LDB2: variants seen among roughly 807,000 people sequenced by gnomAD.
LDB2 encodes LIM domain binding 2.
LDB2 carries 12 observed loss-of-function variants against 44.3 expected under a neutral mutation model. That is an observed-to-expected ratio of 0.27 (90% CI 0.17 to 0.44). LDB2 has a LOEUF of 0.44. Ranked by LOEUF, LDB2 falls within the 20% of genes least tolerant of loss-of-function variation. The probability of loss-of-function intolerance (pLI) is 1.00; values close to 1 mark genes in which losing one functional copy is unlikely to be tolerated. For missense variants in LDB2, 344 were observed against 473.5 expected (o/e 0.73, Z 2.54); for synonymous variants, 164 against 174.8 (o/e 0.94, Z 0.49).
chr4:16,539,677 G>A (rs978294789), intron 5 of LDB2, among the ~76,000 whole-genome samples: 3 of 151,964 alleles, frequency 2.0e-5, no homozygotes, highest in African/African-American at 7.3e-5. Context: ...CCCCAAAAGA[G>A]GTCAAACAAT....
At chr4:16,701,746 C>T (rs1753492990) in intron 2 of LDB2, among the ~76,000 whole-genome samples, 1 of 152,136 alleles carries the variant, frequency 6.6e-6, no homozygotes. Context: ...GGGATCTAGT[C>T]CTGTTCTAAC....
chr4:16,888,791 T>A, intron 1 of LDB2: 1 of 813,374 alleles, frequency 1.2e-6, no homozygotes. Flanking sequence ...CATGCATTTA[T>A]TCTTTACTTT....
chr4:16,711,210 A>G (rs749331561), intron 2 of LDB2, among the ~76,000 whole-genome samples: 25 of 152,242 alleles, frequency 1.6e-4, no homozygotes, highest in Non-Finnish European at 3.1e-4. Context: ...CAGAGAAAAC[A>G]GAAGGAGTTA....
intron 1 of LDB2, among the ~76,000 whole-genome samples, chr4:16,893,424 T>G (rs1428598351): frequency 6.6e-6 from 1 of 152,110 alleles, no homozygotes; most frequent in Non-Finnish European, 1.5e-5. Context: ...ACCAAGCTAT[T>G]CCATGAATAA....
chr4:16,662,320 A>G (rs1477534466), intron 2 of LDB2, among the ~76,000 whole-genome samples: 1 of 152,194 alleles, frequency 6.6e-6, no homozygotes, highest in Non-Finnish European at 1.5e-5. Context: ...CATTTGTTGA[A>G]AGATGAAAAT....
At chr4:16,890,932 A>G (rs1723183464) in intron 1 of LDB2, among the ~76,000 whole-genome samples, 2 of 152,218 alleles carry the variant, frequency 1.3e-5, no homozygotes, top group African/African-American at 2.4e-5. Flanking sequence ...TCTCAGGAGT[A>G]GATTAAACTA....
chr4:16,752,720 A>T (rs899582968), intron 2 of LDB2, among the ~76,000 whole-genome samples: 8 of 152,182 alleles, frequency 5.3e-5, no homozygotes, highest in Non-Finnish European at 2.9e-5. Flanking sequence ...CATTATTGTT[A>T]CCCAGATGTT....
At chr4:16,870,414 A>G (rs1225349154) in intron 1 of LDB2, among the ~76,000 whole-genome samples, 5 of 151,640 alleles carry the variant, frequency 3.3e-5, no homozygotes, top group African/African-American at 9.7e-5. Flanking sequence ...CTTAAAAATC[A>G]CAAAGCTAAT....
At chr4:16,858,186 G>T (rs1207790243) in intron 1 of LDB2, among the ~76,000 whole-genome samples, 3 of 152,184 alleles carry the variant, frequency 2.0e-5, no homozygotes, top group Non-Finnish European at 4.4e-5. Flanking sequence ...CTTTACAGAT[G>T]AGGAAACTGA....
At chr4:16,540,488 A>C (rs529987407) in intron 5 of LDB2, among the ~76,000 whole-genome samples, 1 of 152,188 alleles carries the variant, frequency 6.6e-6, no homozygotes. Context: ...CATTTTTTCT[A>C]CCTGTCTTTG....
intron 6 of LDB2, 75 bp from the exon 7 acceptor site, chr4:16,508,761 A>G (rs1442689202): frequency 1.6e-5 from 23 of 1,415,354 alleles, no homozygotes; most frequent in Non-Finnish European, 2.2e-5. Context: ...TGGTTACTCT[A>G]AGGAAGCTGT....
Position 16,527,410 on chromosome 4 carries a change from C to CA in LDB2, c.616-15307dup, listed in dbSNP as rs1728613874. ...TTACTCCCGGAAGAATGGCCATAAT[C>CA]AAAAAAATAAAAAAAAAATAGATGT... On this transcript the variant is annotated intron_variant, in intron 5 of 7. Transcript: ENST00000304523. 1.3e-5 allele frequency among the ~76,000 whole-genome samples: 2 copies of CA among 149,014 alleles called. 1 individual carries two copies. The highest frequency in any genetic ancestry group is 4.2e-4 in the South Asian group (2 of 4,752).
At chr4:16,717,297 C>T (rs1828855) in intron 2 of LDB2, among the ~76,000 whole-genome samples, 1 of 151,772 alleles carries the variant, frequency 6.6e-6, no homozygotes, top group Non-Finnish European at 1.5e-5. Flanking sequence ...CAATAACTCT[C>T]GTTATTCTGC....
At chr4:16,776,140 T>C (rs769480687) in intron 1 of LDB2, among the ~76,000 whole-genome samples, 3 of 152,246 alleles carry the variant, frequency 2.0e-5, no homozygotes, top group Non-Finnish European at 4.4e-5. Flanking sequence ...CTGTTCCTGA[T>C]ACTTCTTTGA....
intron 2 of LDB2, among the ~76,000 whole-genome samples, chr4:16,744,548 G>C (rs1169129952): frequency 6.8e-6 from 1 of 146,758 alleles, no homozygotes; most frequent in African/African-American, 2.5e-5. Flanking sequence ...GATCTCAGCT[G>C]ACTGCAAGCT....
At chr4:16,536,406 C>T (rs146392526) in intron 5 of LDB2, among the ~76,000 whole-genome samples, 4 of 152,280 alleles carry the variant, frequency 2.6e-5, no homozygotes, top group Non-Finnish European at 5.9e-5. Flanking sequence ...TCCTACACCT[C>T]GCTGAGTGCT....
At chr4:16,645,353 G>A (rs1736434589) in intron 2 of LDB2, among the ~76,000 whole-genome samples, 3 of 151,642 alleles carry the variant, frequency 2.0e-5, no homozygotes, top group Non-Finnish European at 2.9e-5. Context: ...TGGCTAACAA[G>A]GTGAAACCCC....
intron 5 of LDB2, among the ~76,000 whole-genome samples, chr4:16,516,804 G>A (rs765374093): frequency 3.9e-5 from 6 of 151,988 alleles, no homozygotes; most frequent in Non-Finnish European, 7.4e-5. Context: ...TCTTCCCATC[G>A]CTGTAACCCA....
At chr4:16,763,643 C>G (rs139993721) in intron 1 of LDB2, among the ~76,000 whole-genome samples, 12 of 152,226 alleles carry the variant, frequency 7.9e-5, no homozygotes, top group African/African-American at 1.9e-4. Context: ...TGTTTGAGGG[C>G]CCAGGGTTAA....
Sources: allele counts gnomAD v4.1 joint callset (sites outside exome capture counted in the v4.1 genomes callset), GRCh38; gene constraint gnomAD v4.1.1; transcripts MANE v1.5; gene names NCBI Gene and HGNC (gene_info 2026-07-23, HGNC 2026-07-21).